Variants in MYNN observed in about 807,000 individuals in gnomAD.
The protein encoded by MYNN is myoneurin.
In MYNN, 22 loss-of-function variants were observed where a neutral mutation model predicts 57.2. The observed-to-expected ratio is 0.38, with a 90% CI of 0.27 to 0.55. MYNN has a LOEUF of 0.55. Ranked by LOEUF, MYNN falls within the 20% of genes least tolerant of loss-of-function variation. The pLI, the probability that MYNN is intolerant of heterozygous loss-of-function variation, is 0.71. For missense variants in MYNN, 566 were observed against 723.1 expected (o/e 0.78, Z 2.49); for synonymous variants, 241 against 257.1 (o/e 0.94, Z 0.60).
chr3:169,785,856 C>G (rs1157371841), intron 7 of MYNN, among the ~76,000 whole-genome samples: 1 of 152,030 alleles, frequency 6.6e-6, no homozygotes, highest in East Asian at 1.9e-4. Context: ...AGTCAGTGTG[C>G]TGATTGCTCC....
At chr3:169,785,498 G>A (rs1778651827) in intron 7 of MYNN, among the ~76,000 whole-genome samples, 1 of 151,970 alleles carries the variant, frequency 6.6e-6, no homozygotes, top group Non-Finnish European at 1.5e-5. Flanking sequence ...TAGGGAAAAT[G>A]TAGGGCATAA....
Position 169,779,161 on chromosome 3 carries a change from AC to A in MYNN, c.662del (p.Pro221LeufsTer2). On this transcript the variant is annotated frameshift_variant, in exon 3 of 8. Transcript: ENST00000349841. LOFTEE classifies it high-confidence loss of function. ...TCCTAGATGCAAATAAACTGCCCAC[AC>A]CTGTAGTAGAACAAGTTGCACAAAT... ...LFLDANKLPT[P>X]VVEQVAQIND... 6.2e-7 allele frequency: 1 copy of A among 1,614,226 alleles called. No individual in the cohort carries two copies. The highest frequency in any genetic ancestry group is 1.1e-5 in the South Asian group (1 of 91,082).
chr3:169,783,770 G>A, intron 6 of MYNN: 1 of 614,388 alleles, frequency 1.6e-6, no homozygotes, highest in Non-Finnish European at 3.0e-6. Context: ...GAATTGTGTT[G>A]GTTTTCCAAG....
At position 169,783,488 on chromosome 3, in the gene MYNN, T is replaced by C. The variant is rs373127460; in HGVS notation, c.1411T>C (p.Tyr471His). ...TATTTTCCATCTAGGTGAAAAACCATACATATGTGGTATTTGTGGGAAAAG... is the reference window on the plus strand; with the variant it reads ...TATTTTCCATCTAGGTGAAAAACCACACATATGTGGTATTTGTGGGAAAAG... ...HSRKHTGEKP[Y>H]ICGICGKSFI... The change falls in exon 6 of 8, where the codon TAC (tyrosine) becomes CAC (histidine). Residue 471 changes from tyrosine (Y) to histidine (H), a missense_variant. Physicochemically the swap from Tyr to His is moderately conservative, Grantham distance 83 (BLOSUM62 2). This residue lies in a region of MYNN where 156 missense variants were observed against 163.9 expected (regional missense o/e 0.95). Coordinates refer to ENST00000349841, the MANE Select transcript of MYNN (RefSeq NM_018657.5). 3.7e-6 allele frequency: 6 copies of C among 1,606,556 alleles called. No individual in the cohort carries two copies. The highest frequency in any genetic ancestry group is 5.1e-6 in the Non-Finnish European group (6 of 1,174,028).
chr3:169,786,636 G>A lies in MYNN; in HGVS notation c.1791G>A (p.Gly597=). The A allele has an allele frequency of 6.2e-7, 1 of 1,613,300 alleles. No homozygotes were observed. Among genetic ancestry groups the A allele is most frequent in the East Asian group, 2.2e-5 (1 of 44,856 alleles). ...SDTLLRSTVN[G]YSEPQLIFLQ... ...CATTGTTGAGGTCAACTGTGAATGG[G>A]TATTCAGAACCACAGTTGATTTTTT... The change falls in exon 8 of 8, where the codon GGG becomes GGA. Residue 597 remains glycine, a synonymous_variant. Transcript: ENST00000349841.
At chr3:169,777,191 T>C (rs1350870924) in intron 2 of MYNN, 3 of 152,198 alleles carry the variant, frequency 2.0e-5, no homozygotes, top group Admixed American at 2.0e-4. Context: ...AGGTGGCACT[T>C]GAGGCAAAGC....
At position 169,783,547 on chromosome 3, in the gene MYNN, T is replaced by A; in HGVS notation, c.1470T>A (p.Phe490Leu). The change falls in exon 6 of 8, where the codon TTT becomes TTA. Residue 490 changes from phenylalanine (F) to leucine (L), a missense_variant. By Grantham distance (22) the Phe-to-Leu change is conservative (BLOSUM62 0). Coordinates refer to ENST00000349841, the MANE Select transcript of MYNN (RefSeq NM_018657.5). ...FISSGELNKH[F>L]RSHTGERPFI... ...CCTCAGGAGAGCTCAACAAACACTTTCGGTCCCATACAGGTCTGTGTTTAG... is the reference window on the plus strand; with the variant it reads ...CCTCAGGAGAGCTCAACAAACACTTACGGTCCCATACAGGTCTGTGTTTAG... 1 of 1,609,390 alleles carries A rather than the reference T, an allele frequency of 6.2e-7. No homozygotes were observed. The highest frequency in any genetic ancestry group is 8.5e-7 in the Non-Finnish European group (1 of 1,176,200).
At chr3:169,774,146 G>T in intron 1 of MYNN, 119 bp from the exon 2 acceptor site, 1 of 711,548 alleles carries the variant, frequency 1.4e-6, no homozygotes, top group Non-Finnish European at 2.3e-6. Context: ...AACCATGTAT[G>T]TTTGATAAGG....
At position 169,779,094 on chromosome 3, in the gene MYNN, A is replaced by G. The variant is rs1211775301; in HGVS notation, c.593A>G (p.Gln198Arg). 2 of 1,614,060 alleles carry G rather than the reference A, an allele frequency of 1.2e-6. No individual in the cohort carries two copies. The highest frequency in any genetic ancestry group is 1.7e-6 in the Non-Finnish European group (2 of 1,180,022). The change falls in exon 3 of 8, where the codon CAA becomes CGA. Residue 198 changes from glutamine (Q) to arginine (R), a missense_variant. Gln to Arg is a conservative substitution (Grantham distance 43). Coordinates refer to ENST00000349841, the MANE Select transcript of MYNN (RefSeq NM_018657.5). Reference protein sequence around the residue: ...SPKTGQNKTVQYPSDILENAS... With the variant: ...SPKTGQNKTVRYPSDILENAS... ...AAAACAGGGCAGAATAAAACAGTGC[A>G]ATATCCCAGTGACATCTTAGAGAAT...
chr3:169,780,035 A>G (rs78044405), intron 3 of MYNN: 4,983 of 162,862 alleles, frequency 0.031, 121 homozygotes, highest in Middle Eastern at 0.071. Flanking sequence ...ATGAGCACCT[A>G]TTGGTACGTT....
rs1577403959 is a variant in MYNN, at chr3:169,787,494, G to T, written c.*816G>T. The T allele has an allele frequency of 6.6e-6, 1 of 151,930 alleles. No homozygotes were observed. Among genetic ancestry groups the T allele is most frequent in the Non-Finnish European group, 1.5e-5 (1 of 67,924 alleles). The allele number at this position is 151,930 out of a possible 1,614,324, so 9.4% of individuals were successfully genotyped here. On this transcript the variant is annotated 3_prime_UTR_variant, in exon 8 of 8. Transcript: ENST00000349841. Reference sequence around the variant, plus strand: ...TGTACTTGAGTTTTGAAATATTTTGGTAAGCCTCTCTTACTCCTGTTATGC... The same window carrying T: ...TGTACTTGAGTTTTGAAATATTTTGTTAAGCCTCTCTTACTCCTGTTATGC...
chr3:169,774,775 C>T (rs902952832), intron 2 of MYNN, among the ~76,000 whole-genome samples: 2 of 152,130 alleles, frequency 1.3e-5, no homozygotes, highest in African/African-American at 4.8e-5. Context: ...AGATTTCTGA[C>T]ACGTTTATTT....
chr3:169,779,519 AC>A lies in MYNN; in HGVS notation c.1021del (p.Gln341AsnfsTer5). ...YVCHLCGKAF[T>X]QCNQLKTHVR... is the part of the protein sequence containing the mutation. Reference sequence around the variant, plus strand: ...CTGCCACTTATGTGGAAAGGCATTTACCCAATGTAACCAGCTGAAAACGCAT... The same window carrying A: ...CTGCCACTTATGTGGAAAGGCATTTACCAATGTAACCAGCTGAAAACGCAT... On this transcript the variant is annotated frameshift_variant, in exon 3 of 8. Coordinates refer to ENST00000349841, the MANE Select transcript of MYNN (RefSeq NM_018657.5). LOFTEE classifies it high-confidence loss of function. 1 of 1,614,152 alleles carries A rather than the reference AC, an allele frequency of 6.2e-7. No homozygotes were observed. Among genetic ancestry groups the A allele is most frequent in the Non-Finnish European group, 8.5e-7 (1 of 1,180,012 alleles).
In MYNN at chr3:169,780,744, T is replaced by C; in HGVS notation, c.1215T>C (p.His405=). ...QFATSSNLKI[H]ARKHSGEKPY... ...CAACTTCTAGCAATCTCAAGATTCA[T>C]GCAAGGTAAAAAACCAAATGAGTTG... Residue 405 remains histidine (H), a synonymous_variant, in exon 4 of 8, where the codon CAT becomes CAC. Coordinates refer to ENST00000349841, the MANE Select transcript of MYNN (RefSeq NM_018657.5). 6.3e-7 allele frequency: 1 copy of C among 1,598,322 alleles called. No homozygotes were observed. The highest frequency in any genetic ancestry group is 8.5e-7 in the Non-Finnish European group (1 of 1,175,392).
In MYNN at chr3:169,779,266, A is replaced by G. The variant is rs1778440264; in HGVS notation, c.765A>G (p.Thr255=). 4 of 1,614,090 alleles carry G rather than the reference A, an allele frequency of 2.5e-6. No individual in the cohort carries two copies. Among genetic ancestry groups the G allele is most frequent in the Non-Finnish European group, 3.4e-6 (4 of 1,180,054 alleles). ...CACAAGATATTGTGCACACTGTTAC[A>G]GTGAAACGGAAACGTGGAAAATCAC... is the stretch of plus-strand genomic sequence containing the variant. The part of the protein sequence containing the change: ...FPAQDIVHTV[T]VKRKRGKSQP... The change falls in exon 3 of 8, where the codon ACA becomes ACG. Residue 255 remains threonine, a synonymous_variant. Transcript: ENST00000349841.
Position 169,783,491 on chromosome 3 carries a change from A to C in MYNN, c.1414A>C (p.Ile472Leu). The C allele has an allele frequency of 1.2e-6, 2 of 1,607,952 alleles. No individual in the cohort carries two copies. Among genetic ancestry groups the C allele is most frequent in the Non-Finnish European group, 1.7e-6 (2 of 1,175,198 alleles). Residue 472 changes from isoleucine (I) to leucine (L), a missense_variant, in exon 6 of 8, where the codon ATA becomes CTA. This residue lies in a region of MYNN where 156 missense variants were observed against 163.9 expected (regional missense o/e 0.95). Transcript: ENST00000349841. ...SRKHTGEKPYICGICGKSFIS... is the reference protein window; with the variant it reads ...SRKHTGEKPYLCGICGKSFIS... The stretch of plus-strand genomic sequence containing the variant: ...TTTCCATCTAGGTGAAAAACCATAC[A>C]TATGTGGTATTTGTGGGAAAAGTTT...
chr3:169,785,070 A>AGG (rs71300477), intron 7 of MYNN, among the ~76,000 whole-genome samples: 4,050 of 100,446 alleles, frequency 0.04, 198 homozygotes, highest in Non-Finnish European at 0.059. Context: ...ATGAAAAAAA[A>AGG]GGGGGGGGGG....
chr3:169,782,483 G>A lies in MYNN; in HGVS notation c.1239G>A (p.Lys413=). 6.2e-7 allele frequency: 1 copy of A among 1,611,972 alleles called. No individual in the cohort carries two copies. The highest frequency in any genetic ancestry group is 8.5e-7 in the Non-Finnish European group (1 of 1,179,260). ...CTAACAGGAAGCATAGTGGAGAGAA[G>A]CCATATGTCTGTGATAGGTGTGGAC... ...KIHARKHSGE[K]PYVCDRCGQR... The change falls in exon 5 of 8, where the codon AAG becomes AAA. Residue 413 remains lysine, a synonymous_variant. Transcript: ENST00000349841. The surrounding 1 kb of genome is among the most constrained non-coding windows in gnomAD (Gnocchi z 4.8).
Position 169,779,195 on chromosome 3 carries a change from A to C in MYNN, c.694A>C (p.Asn232His), listed in dbSNP as rs765541791. 21 of 1,614,078 alleles carry C rather than the reference A, an allele frequency of 1.3e-5. No homozygotes were observed. Among genetic ancestry groups the C allele is most frequent in the Non-Finnish European group, 1.8e-5 (21 of 1,180,038 alleles). ...AGAACAAGTTGCACAAATAAATGAT[A>C]ATTCAGAACTCGAGTTGACATCAGT... ...VVEQVAQIND[N>H]SELELTSVVE... The change falls in exon 3 of 8, where the codon AAT becomes CAT. Residue 232 changes from asparagine (N) to histidine (H), a missense_variant. Physicochemically the swap from Asn to His is moderately conservative, Grantham distance 68. Around this residue, in one of 4 missense-constraint regions of MYNN, gnomAD observed 261 missense variants for 280.8 expected, o/e 0.93. Coordinates refer to ENST00000349841, the MANE Select transcript of MYNN (RefSeq NM_018657.5).
Sources: allele counts gnomAD v4.1 joint callset (sites outside exome capture counted in the v4.1 genomes callset), GRCh38; gene constraint gnomAD v4.1.1; regional missense constraint gnomAD v4.1.1; non-coding constraint Gnocchi (gnomAD v3.1); transcripts MANE v1.5; gene names NCBI Gene and HGNC (gene_info 2026-07-23, HGNC 2026-07-21).